ACTR8: variants seen among roughly 807,000 people sequenced by gnomAD.
The protein encoded by ACTR8 is actin-related protein 8.
In ACTR8, 70 loss-of-function variants were observed where a neutral mutation model predicts 84.3. The observed-to-expected ratio is 0.83, with a 90% confidence interval of 0.68 to 1.01. The LOEUF is 1.01. Among genes scored for constraint, ACTR8 ranks in the 50% least tolerant of loss-of-function variants. ACTR8 has a pLI of 0.00. For missense variants in ACTR8, 672 were observed against 775.4 expected, an observed-to-expected ratio of 0.87 and a Z score of 1.58; for synonymous variants, 268 against 275.2, an observed-to-expected ratio of 0.97 and a Z score of 0.26.
At chr3:53,880,155 G>T in intron 1 of ACTR8, 46 bp from the exon 2 acceptor site, 1 of 1,565,478 alleles carries the variant, frequency 6.4e-7, no homozygotes. Flanking sequence ...ATAATATGCA[G>T]GTAACAAAGT....
chr3:53,863,589 A>G (rs369395183), downstream of ACTR8, among the ~76,000 whole-genome samples: 1 of 152,194 alleles, frequency 6.6e-6, no homozygotes, highest in Non-Finnish European at 1.5e-5. Flanking sequence ...AGTTTCAAAC[A>G]TGGTTTGTTT....
chr3:53,877,859 A>T, intron 3 of ACTR8, 108 bp from the exon 4 acceptor site: 1 of 861,430 alleles, frequency 1.2e-6, no homozygotes, highest in Non-Finnish European at 1.8e-6. Flanking sequence ...GCAAATTTTA[A>T]TCACAAATAT....
chr3:53,859,552 G>C, the ACTR8 span: 2 of 152,482 alleles, frequency 1.3e-5, no homozygotes, highest in Non-Finnish European at 2.9e-5. Context: ...ATGTATGTCA[G>C]TCTAACAAGA....
At chr3:53,878,662 A>C (rs1451312912) in intron 2 of ACTR8, among the ~76,000 whole-genome samples, 195 bp from the exon 3 acceptor site, 3 of 152,180 alleles carry the variant, frequency 2.0e-5, no homozygotes, top group Non-Finnish European at 4.4e-5. Flanking sequence ...ATCTCTACAA[A>C]AAATACAAGA....
At chr3:53,860,074 T>TTAAGAGA in the ACTR8 span, 1 of 1,160,222 alleles carries the variant, frequency 8.6e-7, no homozygotes, top group South Asian at 1.3e-5. Context: ...AGTTTTTAAA[T>TTAAGAGA]TAAGAGATAA....
downstream of ACTR8, chr3:53,865,510 C>T (rs988898325): frequency 1.9e-6 from 1 of 526,100 alleles, no homozygotes; most frequent in Non-Finnish European, 3.3e-6. Context: ...AACTTCAAAG[C>T]TGTTTTATAC....
chr3:53,866,629 C>A (rs551728471), downstream of ACTR8, among the ~76,000 whole-genome samples: 214 of 147,704 alleles, frequency 1.4e-3, no homozygotes, highest in Non-Finnish European at 2.1e-3. Flanking sequence ...CTACAGGCAC[C>A]CACCACCACA....
rs376058740 is a variant in ACTR8, at chr3:53,870,079, T to C, written c.1634A>G (p.His545Arg). Reference protein sequence around the residue: ...ILVVGGGLMFHKAQEFLQHRI... With the variant: ...ILVVGGGLMFRKAQEFLQHRI... ...GTGCTGCAGAAATTCTTGAGCTTTATGAAACATCAAACCACCTCCCACCAC... is the reference window on the plus strand; with the variant it reads ...GTGCTGCAGAAATTCTTGAGCTTTACGAAACATCAAACCACCTCCCACCAC... The change falls in exon 12 of 13, where the codon CAT (histidine) becomes CGT (arginine). Residue 545 changes from histidine to arginine, a missense_variant. His to Arg is a conservative substitution (Grantham distance 29). Transcript: ENST00000335754. This position sits in a 1 kb window ranked among gnomAD's most constrained non-coding sequence, Gnocchi z 4.1. 3.1e-6 allele frequency: 5 copies of C among 1,614,156 alleles called. No individual in the cohort carries two copies. The highest frequency in any genetic ancestry group is 4.2e-6 in the Non-Finnish European group (5 of 1,180,056).
At chr3:53,874,883 G>A (rs1242766320) in intron 7 of ACTR8, among the ~76,000 whole-genome samples, 1 of 152,216 alleles carries the variant, frequency 6.6e-6, no homozygotes, top group South Asian at 2.1e-4. Flanking sequence ...ACCTACAGTA[G>A]TCATGATGTT....
intron 6 of ACTR8, among the ~76,000 whole-genome samples, chr3:53,876,381 T>C (rs1465830995): frequency 6.6e-6 from 1 of 151,952 alleles, no homozygotes; most frequent in Non-Finnish European, 1.5e-5. Context: ...TAGCTGGGCA[T>C]GGTGGCGGGT....
chr3:53,871,968 C>A (rs962986817), intron 10 of ACTR8, among the ~76,000 whole-genome samples: 1 of 152,174 alleles, frequency 6.6e-6, no homozygotes, highest in Non-Finnish European at 1.5e-5. Flanking sequence ...ACAAGACCTT[C>A]AATTTGTGCC....
chr3:53,872,642 G>A, intron 9 of ACTR8, 118 bp from the exon 10 acceptor site: 1 of 1,242,146 alleles, frequency 8.1e-7, no homozygotes, highest in Non-Finnish European at 1.1e-6. Flanking sequence ...AAGTTAGACT[G>A]GGCAATGTTC....
At chr3:53,864,723 C>A, downstream of ACTR8, 1 of 1,546,642 alleles carries the variant, frequency 6.5e-7, no homozygotes, top group South Asian at 1.2e-5. Flanking sequence ...TCACAGATAA[C>A]AAATGCTTTT....
chr3:53,877,242 T>A lies in ACTR8; in HGVS notation c.656A>T (p.Tyr219Phe). ...EVIWSHAIQK[Y>F]LEIPLKDLKY... is the part of the protein sequence containing the mutation. ...TAAATCTTTCAGTGGGATTTCCAAGTATTTTTGTATCGCATGAGACCATAT... is the reference window on the plus strand; with the variant it reads ...TAAATCTTTCAGTGGGATTTCCAAGAATTTTTGTATCGCATGAGACCATAT... The change falls in exon 5 of 13, where the codon TAC (tyrosine) becomes TTC (phenylalanine). Residue 219 changes from tyrosine (Y) to phenylalanine (F), a missense_variant. Physicochemically the swap from Tyr to Phe is conservative, Grantham distance 22. Coordinates refer to ENST00000335754, the MANE Select transcript of ACTR8 (RefSeq NM_022899.5). 6.2e-7 allele frequency: 1 copy of A among 1,605,290 alleles called. No homozygotes were observed. The highest frequency in any genetic ancestry group is 8.5e-7 in the Non-Finnish European group (1 of 1,177,482).
In ACTR8 at chr3:53,868,024, T is replaced by C. The variant is rs375950693; in HGVS notation, c.*695A>G. On this transcript the variant is annotated 3_prime_UTR_variant, in exon 13 of 13. Transcript: ENST00000335754. ...AAAAAACAAGATTTCCTTTTCAGCA[T>C]TTGTTCTGTTTTGGCCAAATAAAAA... is the stretch of plus-strand genomic sequence containing the variant. The C allele has an allele frequency of 9.5e-4, 145 of 152,296 alleles. No individual in the cohort carries two copies. The highest frequency in any genetic ancestry group is 3.4e-3 in the African/African-American group (140 of 41,552). 9.4% of individuals were successfully genotyped at this position (152,296 alleles called of 1,614,324 possible).
chr3:53,879,249 A>G (rs1397796188), intron 2 of ACTR8, among the ~76,000 whole-genome samples: 2 of 152,258 alleles, frequency 1.3e-5, no homozygotes, highest in Admixed American at 6.5e-5. Flanking sequence ...TCAGCAAGTT[A>G]TATTTAAACT....
At chr3:53,862,774 C>T (rs73076120), downstream of ACTR8, among the ~76,000 whole-genome samples, 4,314 of 152,260 alleles carry the variant, frequency 0.028, 73 homozygotes, top group Non-Finnish European at 0.044. Flanking sequence ...GTAACACAGA[C>T]CCTTCTATGA....
Position 53,877,302 on chromosome 3 carries a change from C to A in ACTR8, c.596G>T (p.Gly199Val). ...GQLNIHPGPGGSLTAVLADIE... is the reference protein window; with the variant it reads ...GQLNIHPGPGVSLTAVLADIE... ...ATCTGCCAGAACAGCTGTAAGAGAG[C>A]CCCCAGGGCCTGGGTGAATATTTAA... Residue 199 changes from glycine to valine, a missense_variant, in exon 5 of 13, where the codon GGC becomes GTC. Transcript: ENST00000335754. 6.2e-7 allele frequency: 1 copy of A among 1,613,754 alleles called. No homozygotes were observed. Among genetic ancestry groups the A allele is most frequent in the Non-Finnish European group, 8.5e-7 (1 of 1,179,748 alleles).
intron 6 of ACTR8, among the ~76,000 whole-genome samples, 196 bp downstream of exon 6, chr3:53,876,424 C>A (rs924567793): frequency 2.6e-5 from 4 of 151,900 alleles, no homozygotes; most frequent in African/African-American, 7.3e-5. Context: ...GAGGCTGAGG[C>A]AGGAGAGTGG....
Sources: gnomAD v4.1 joint callset for allele counts (sites outside exome capture counted in the v4.1 genomes callset) on GRCh38, gnomAD v4.1.1 for gene constraint, Gnocchi (gnomAD v3.1) non-coding constraint, MANE v1.5 for transcripts, NCBI Gene and HGNC (gene_info 2026-07-23, HGNC 2026-07-21) for gene names.